STK40: variants seen among roughly 807,000 people sequenced by gnomAD.
STK40 encodes serine/threonine-protein kinase 40.
Under a neutral mutation model 47.9 loss-of-function variants are expected in STK40, and 13 were observed. The ratio of observed to expected loss-of-function variants is 0.27; its 90% CI spans 0.18 to 0.43. STK40 has a LOEUF of 0.43. STK40 is among the 20% of genes least tolerant of loss of function. The pLI, the probability that STK40 is intolerant of heterozygous loss-of-function variation, is 1.00. For synonymous variants in STK40, 225 were observed against 243.2 expected, an observed-to-expected ratio of 0.93 and a Z score of 0.69; for missense variants, 460 against 595.1, an observed-to-expected ratio of 0.77 and a Z score of 2.36.
chr1:36,368,306 GCT>G (rs1247988141), intron 1 of STK40, among the ~76,000 whole-genome samples: 2 of 152,028 alleles, frequency 1.3e-5, no homozygotes, highest in Non-Finnish European at 2.9e-5. Flanking sequence ...ACAGGGTCTT[GCT>G]CTGTCACCCA....
intron 1 of STK40, among the ~76,000 whole-genome samples, chr1:36,364,113 T>G (rs541303313): frequency 2.0e-5 from 3 of 152,192 alleles, no homozygotes; most frequent in Non-Finnish European, 4.4e-5. Context: ...ATCGCACCAC[T>G]GTACTCCAGC....
At chr1:36,378,541 C>G (rs982016338) in intron 1 of STK40, among the ~76,000 whole-genome samples, 2 of 152,070 alleles carry the variant, frequency 1.3e-5, no homozygotes, top group Non-Finnish European at 2.9e-5. Context: ...TCACTGCAAC[C>G]TCCGCCTCCT....
In STK40 at chr1:36,385,829, T is replaced by C. The variant is rs1647082126; in HGVS notation, c.-115A>G. The C allele has an allele frequency of 1.1e-5, 2 of 175,994 alleles. No homozygotes were observed. Among genetic ancestry groups the C allele is most frequent in the South Asian group, 1.4e-4 (1 of 7,162 alleles). 10.9% of individuals were successfully genotyped at this position (175,994 alleles called of 1,614,324 possible). Reference sequence around the variant, plus strand: ...GGGCCGGGCTGGAGGCGTGCGAGCCTCTCACCGCCGCCTCCCAGCGCAGCC... The same window carrying C: ...GGGCCGGGCTGGAGGCGTGCGAGCCCCTCACCGCCGCCTCCCAGCGCAGCC... On this transcript the variant is annotated 5_prime_UTR_variant, in exon 1 of 11. Coordinates refer to ENST00000373132, the MANE Select transcript of STK40 (RefSeq NM_001282547.2).
chr1:36,343,288 C>T, intron 10 of STK40, 76 bp downstream of exon 10: 1 of 1,498,436 alleles, frequency 6.7e-7, no homozygotes, highest in Non-Finnish European at 9.2e-7. Flanking sequence ...GCTGCCACCT[C>T]TGCCCTTGCC....
intron 1 of STK40, among the ~76,000 whole-genome samples, chr1:36,371,583 A>T (rs114596381): frequency 0.012 from 1,732 of 150,346 alleles, 32 homozygotes; most frequent in African/African-American, 0.04. Context: ...ATGACAAGAA[A>T]AAACAGTCTG....
intron 7 of STK40, among the ~76,000 whole-genome samples, chr1:36,347,059 G>A (rs968146732): frequency 3.9e-5 from 6 of 152,314 alleles, no homozygotes; most frequent in South Asian, 4.1e-4. Flanking sequence ...CCCAGGTCTG[G>A]GGAATGGTGC....
chr1:36,355,332 G>A lies in STK40; in HGVS notation c.444C>T (p.Asp148=). 6.2e-7 allele frequency: 1 copy of A among 1,614,190 alleles called. No homozygotes were observed. The highest frequency in any genetic ancestry group is 8.5e-7 in the Non-Finnish European group (1 of 1,180,038). The change falls in exon 5 of 11, where the codon GAC becomes GAT. Residue 148 remains aspartate (D), a synonymous_variant. Coordinates refer to ENST00000373132, the MANE Select transcript of STK40 (RefSeq NM_001282547.2). ...CLVLDCLCAH[D]FSDKTADLIN... is the part of the protein sequence containing the mutation. ...TGAGGTCAGCGGTCTTATCGCTGAAGTCATGAGCACAGAGGCAGTCCAGGA... is the reference window on the plus strand; with the variant it reads ...TGAGGTCAGCGGTCTTATCGCTGAAATCATGAGCACAGAGGCAGTCCAGGA...
chr1:36,344,735 T>G (rs1044936781), intron 7 of STK40, among the ~76,000 whole-genome samples: 3 of 152,186 alleles, frequency 2.0e-5, no homozygotes, highest in African/African-American at 7.2e-5. Flanking sequence ...AGAAGGGAAG[T>G]TCTCAGGTGC....
intron 10 of STK40, 119 bp from the exon 11 acceptor site, chr1:36,342,092 C>G: frequency 1.0e-6 from 1 of 970,602 alleles, no homozygotes. Context: ...CTTCCAGGCA[C>G]CACACCCTCA....
chr1:36,372,157 A>G (rs1037953878), intron 1 of STK40, among the ~76,000 whole-genome samples: 3 of 152,120 alleles, frequency 2.0e-5, no homozygotes, highest in African/African-American at 4.8e-5. Context: ...TCACCTCCCC[A>G]CAACACACAC....
chr1:36,349,970 A>G (rs1392883165), intron 6 of STK40, among the ~76,000 whole-genome samples: 10 of 152,138 alleles, frequency 6.6e-5, no homozygotes, highest in African/African-American at 9.7e-5. Flanking sequence ...CCCTACAATC[A>G]GCTCTCAGAG....
At chr1:36,371,024 A>G (rs886245876) in intron 1 of STK40, among the ~76,000 whole-genome samples, 14 of 151,678 alleles carry the variant, frequency 9.2e-5, no homozygotes, top group African/African-American at 3.1e-4. Context: ...TTACACGTGC[A>G]TGCCACCATG....
chr1:36,381,884 T>C (rs188368752), intron 1 of STK40, among the ~76,000 whole-genome samples: 10 of 152,234 alleles, frequency 6.6e-5, no homozygotes, highest in African/African-American at 1.4e-4. Flanking sequence ...CCACATGCTA[T>C]AGACTTCTGT....
intron 1 of STK40, among the ~76,000 whole-genome samples, chr1:36,365,082 C>A (rs1274204228): frequency 6.6e-6 from 1 of 151,392 alleles, no homozygotes; most frequent in Admixed American, 6.6e-5. Context: ...ACCTCCGCCT[C>A]CCAGGTTCAA....
Position 36,355,229 on chromosome 1 carries a change from G to A in STK40, c.547C>T (p.Arg183Cys), listed in dbSNP as rs140502024. The A allele has an allele frequency of 2.4e-5, 38 of 1,613,842 alleles. No homozygotes were observed. Among genetic ancestry groups the A allele is most frequent in the Non-Finnish European group, 3.2e-5 (38 of 1,180,022 alleles). The change falls in exon 5 of 11, where the codon CGC becomes TGC. Residue 183 changes from arginine (R) to cysteine (C), a missense_variant. Physicochemically the swap from Arg to Cys is radical, Grantham distance 180. Transcript: ENST00000373132. ...ACCTGGTGCAGGGCCTCCACCACGC[G>A]GACCACGTCGTAGAAGATTACCACA... ...ETVVIFYDVV[R>C]VVEALHQKNI...
At chr1:36,361,109 C>CA in intron 2 of STK40, 112 bp downstream of exon 2, 1 of 1,276,466 alleles carries the variant, frequency 7.8e-7, no homozygotes, top group Non-Finnish European at 1.1e-6. Flanking sequence ...GGACCACACA[C>CA]TGCTGTGGGT....
intron 6 of STK40, among the ~76,000 whole-genome samples, chr1:36,350,122 C>T (rs1246510619): frequency 2.6e-5 from 4 of 152,242 alleles, no homozygotes; most frequent in Admixed American, 1.3e-4. Context: ...GGATTCCCCA[C>T]GGAAACGCCA....
chr1:36,342,917 T>C, intron 10 of STK40: 1 of 491,026 alleles, frequency 2.0e-6, no homozygotes, highest in Non-Finnish European at 3.7e-6. Flanking sequence ...CTCTGCTGCC[T>C]GGTGCCCAAG....
intron 4 of STK40, among the ~76,000 whole-genome samples, 196 bp downstream of exon 4, chr1:36,358,043 C>T (rs1041870611): frequency 1.3e-5 from 2 of 152,218 alleles, no homozygotes; most frequent in African/African-American, 2.4e-5. Flanking sequence ...ACCATCCCCA[C>T]AGGAGCACAG....
Sources: gnomAD v4.1 joint callset for allele counts (sites outside exome capture counted in the v4.1 genomes callset) on GRCh38, gnomAD v4.1.1 for gene constraint, MANE v1.5 for transcripts, NCBI Gene and HGNC (gene_info 2026-07-23, HGNC 2026-07-21) for gene names.